GPR161: variants seen among roughly 807,000 people sequenced by gnomAD.
GPR161 encodes G protein-coupled receptor 161.
In GPR161, 25 loss-of-function variants were observed where a neutral mutation model predicts 39.2. The observed-to-expected ratio is 0.64, with a 90% CI of 0.47 to 0.89. GPR161 has a LOEUF of 0.89. Among genes scored for constraint, GPR161 ranks in the 40% least tolerant of loss-of-function variants. GPR161 has a pLI of 0.00. For synonymous variants in GPR161, 286 were observed against 276.6 expected, an observed-to-expected ratio of 1.03 and a Z score of -0.34; for missense variants, 547 against 677.8, an observed-to-expected ratio of 0.81 and a Z score of 2.14.
At chr1:168,110,520 AAACG>A in intron 1 of GPR161, among the ~76,000 whole-genome samples, 1 of 142,796 alleles carries the variant, frequency 7.0e-6, no homozygotes, top group African/African-American at 2.6e-5. Context: ...AAAAAAAAAA[AAACG>A]AAAGAAAGGA....
At chr1:168,121,803 G>C (rs1207860344) in intron 1 of GPR161, among the ~76,000 whole-genome samples, 1 of 152,200 alleles carries the variant, frequency 6.6e-6, no homozygotes, top group Non-Finnish European at 1.5e-5. Flanking sequence ...CCCTCCGTGG[G>C]AGAGGGCAGA....
intron 2 of GPR161, among the ~76,000 whole-genome samples, chr1:168,097,647 G>A (rs545945849): frequency 6.6e-6 from 1 of 152,236 alleles, no homozygotes; most frequent in East Asian, 1.9e-4. Context: ...GAAGGACTAC[G>A]GGCTTCATTC....
At chr1:168,134,944 C>T (rs1173821819) in intron 1 of GPR161, 1 of 1,535,696 alleles carries the variant, frequency 6.5e-7, no homozygotes, top group Non-Finnish European at 8.7e-7. Flanking sequence ...CAGTTCAGCC[C>T]ATTCTGTCTT....
intron 1 of GPR161, among the ~76,000 whole-genome samples, chr1:168,129,034 A>T (rs1698796045): frequency 1.3e-5 from 2 of 152,220 alleles, no homozygotes; most frequent in Admixed American, 6.5e-5. Context: ...CCTATCCTGA[A>T]GCTTACATTT....
Position 168,104,521 on chromosome 1 carries a change from G to A in GPR161, c.330C>T (p.Ile110=). ...CNFSALLYLL[I]SSASMLTLGV... is the part of the protein sequence containing the mutation. ...CGAGGGTTAGCATGCTGGCAGAGCT[G>A]ATCAGCAGGTAGAGGAGGGCAGAGA... Residue 110 remains isoleucine, a synonymous_variant, in exon 2 of 6, where the codon ATC becomes ATT. Coordinates refer to ENST00000682931, the MANE Select transcript of GPR161 (RefSeq NM_001375883.1). The A allele has an allele frequency of 1.2e-6, 2 of 1,614,080 alleles. No homozygotes were observed. Among genetic ancestry groups the A allele is most frequent in the Non-Finnish European group, 8.5e-7 (1 of 1,179,972 alleles).
chr1:168,129,957 C>A (rs1698864129), intron 1 of GPR161, among the ~76,000 whole-genome samples: 1 of 152,150 alleles, frequency 6.6e-6, no homozygotes, highest in African/African-American at 2.4e-5. Flanking sequence ...ACCCAATGGG[C>A]CCTTATTGAG....
intron 1 of GPR161, among the ~76,000 whole-genome samples, chr1:168,135,801 T>G (rs145187374): frequency 7.9e-4 from 120 of 152,272 alleles, no homozygotes; most frequent in Non-Finnish European, 1.3e-3. Context: ...GGAACTGAGG[T>G]TCTTTCCCTC....
chr1:168,137,536 C>T (rs1699475612), upstream of GPR161: 3 of 737,626 alleles, frequency 4.1e-6, no homozygotes, highest in African/African-American at 3.5e-5. Context: ...ACACTGCTGC[C>T]CTGCACTCCC....
intron 1 of GPR161, among the ~76,000 whole-genome samples, chr1:168,123,464 T>G (rs1329887441): frequency 6.6e-6 from 1 of 151,026 alleles, no homozygotes; most frequent in Non-Finnish European, 1.5e-5. Flanking sequence ...TCTCAAAAAA[T>G]TATATGTATG....
intron 1 of GPR161, among the ~76,000 whole-genome samples, chr1:168,135,517 A>G (rs893648976): frequency 6.6e-6 from 1 of 151,912 alleles, no homozygotes; most frequent in African/African-American, 2.4e-5. Flanking sequence ...GGTCCCTCCC[A>G]CCTCCTCTTT....
At chr1:168,136,498 G>A in intron 1 of GPR161, 2 of 1,260,422 alleles carry the variant, frequency 1.6e-6, no homozygotes, top group Non-Finnish European at 2.0e-6. Context: ...CCGCAGGGGA[G>A]GGGCGCGCCC....
intron 1 of GPR161, among the ~76,000 whole-genome samples, chr1:168,106,922 G>C (rs1486895332): frequency 1.3e-5 from 2 of 152,116 alleles, no homozygotes; most frequent in Non-Finnish European, 2.9e-5. Context: ...TTTGCCTTTA[G>C]TTGGCGAGTT....
At chr1:168,122,020 T>C (rs1289136501) in intron 1 of GPR161, among the ~76,000 whole-genome samples, 2 of 152,230 alleles carry the variant, frequency 1.3e-5, no homozygotes, top group Non-Finnish European at 1.5e-5. Flanking sequence ...CAGGAGCCCA[T>C]GCTCAGATGG....
At position 168,082,027 on chromosome 1, in the gene GPR161, C is replaced by T. The variant is rs1006568021; in HGVS notation, c.*3504G>A. The stretch of plus-strand genomic sequence containing the variant: ...ATTCAGGGAAATCTGAAGAGACTAA[C>T]CATCTGTCATTGTATCAAAGCATTT... On this transcript the variant is annotated 3_prime_UTR_variant, in exon 6 of 6. Coordinates refer to ENST00000682931, the MANE Select transcript of GPR161 (RefSeq NM_001375883.1). The T allele has an allele frequency of 2.0e-5, 3 of 152,240 alleles. No individual in the cohort carries two copies. Among genetic ancestry groups the T allele is most frequent in the Admixed American group, 6.5e-5 (1 of 15,286 alleles). The allele number at this position is 152,240 out of a possible 1,614,324, so 9.4% of individuals were successfully genotyped here.
chr1:168,103,307 C>G (rs1197627868), intron 2 of GPR161, among the ~76,000 whole-genome samples: 1 of 151,604 alleles, frequency 6.6e-6, no homozygotes, highest in African/African-American at 2.4e-5. Context: ...TTGCTGTATA[C>G]AACCAAAAAT....
At chr1:168,130,783 T>C (rs1698927279) in intron 1 of GPR161, among the ~76,000 whole-genome samples, 1 of 152,166 alleles carries the variant, frequency 6.6e-6, no homozygotes, top group Admixed American at 6.5e-5. Context: ...GCACCTCAGA[T>C]AGAACATGTA....
rs275144 is a variant in GPR161 at position 168,087,494 on chromosome 1, C to T, written c.1324+91G>A. On this transcript the variant is annotated intron_variant, in intron 5 of 5. Coordinates refer to ENST00000682931, the MANE Select transcript of GPR161 (RefSeq NM_001375883.1). ...AAAGGGATGGAGCCCTGATATATTC[C>T]GGGATGGGAGCCAGCCTGAGCCAAG... The T allele has an allele frequency of 4.2e-3, 6,107 of 1,463,316 alleles. 185 individuals carry two copies. In the African/African-American group the frequency reaches 0.069, roughly 17 times the overall value. The allele number at this position is 1,463,316 out of a possible 1,614,324, so 90.6% of individuals were successfully genotyped here.
intron 2 of GPR161, among the ~76,000 whole-genome samples, chr1:168,100,179 C>A (rs71632339): frequency 2.8e-4 from 41 of 145,068 alleles, no homozygotes; most frequent in Non-Finnish European, 4.5e-4. Context: ...CTGCTGCACT[C>A]CAGCCTGGGT....
In GPR161 at chr1:168,082,687, A is replaced by G. The variant is rs907975370; in HGVS notation, c.*2844T>C. On this transcript the variant is annotated 3_prime_UTR_variant, in exon 6 of 6. Coordinates refer to ENST00000682931, the MANE Select transcript of GPR161 (RefSeq NM_001375883.1). ...ACACAGGACTGAGTTGTTTAAGCTA[A>G]CGAGTAGCCAAATGTCCCATGTGCC... is the stretch of plus-strand genomic sequence containing the variant. The G allele has an allele frequency of 6.6e-6, 1 of 152,106 alleles. No homozygotes were observed. Among genetic ancestry groups the G allele is most frequent in the Admixed American group, 6.5e-5 (1 of 15,278 alleles). The allele number at this position is 152,106 out of a possible 1,614,324, so 9.4% of individuals were successfully genotyped here.
Sources: gnomAD v4.1 joint callset for allele counts (sites outside exome capture counted in the v4.1 genomes callset) on GRCh38, gnomAD v4.1.1 for gene constraint, MANE v1.5 for transcripts, NCBI Gene and HGNC (gene_info 2026-07-23, HGNC 2026-07-21) for gene names.